The following TMIGD3 variants were observed in gnomAD, a reference collection of about 807,000 sequenced individuals.
TMIGD3 encodes transmembrane and immunoglobulin domain containing 3.
A neutral mutation model predicts 28.1 loss-of-function variants in TMIGD3; 21 were observed. That is an observed-to-expected ratio of 0.75 (90% CI 0.53 to 1.08). TMIGD3 has a LOEUF of 1.08. Among genes scored for constraint, TMIGD3 ranks in the 50% least tolerant of loss-of-function variants. The pLI is 0.00. For missense variants in TMIGD3, 416 were observed against 435.6 expected (o/e 0.96, Z 0.40); for synonymous variants, 151 against 162.1 (o/e 0.93, Z 0.52).
chr1:111,547,441 A>G (rs2101031232), intron 1 of TMIGD3, among the ~76,000 whole-genome samples: 1 of 152,252 alleles, frequency 6.6e-6, no homozygotes, highest in South Asian at 2.1e-4. Flanking sequence ...TCCACTTGGT[A>G]GTGATGTACA....
chr1:111,532,182 G>A (rs373146957), intron 1 of TMIGD3, among the ~76,000 whole-genome samples: 28 of 105,008 alleles, frequency 2.7e-4, no homozygotes, highest in African/African-American at 6.4e-4. Context: ...TGAAGGCTTC[G>A]GGGAGACCCT....
At chr1:111,557,527 G>A (rs77343607) in intron 1 of TMIGD3, among the ~76,000 whole-genome samples, 16,035 of 151,622 alleles carry the variant, frequency 0.11, 2,156 homozygotes, top group African/African-American at 0.31. Context: ...TCCAGCCTGG[G>A]CAATAGAGTG....
chr1:111,490,742 G>A lies in TMIGD3; in HGVS notation c.371C>T (p.Pro124Leu). Residue 124 changes from proline to leucine, a missense_variant, in exon 2 of 6, where the codon CCT becomes CTT. Pro to Leu is a moderately conservative substitution (Grantham distance 98). Transcript: ENST00000369716. ...LTVRFRIPGL[P>L]GCILSFQLKV... Reference sequence around the variant, plus strand: ...CAACTGGAATGATAGAATGCACCCAGGGAGCCCAGGAATTCTGAATCTGTT... The same window carrying A: ...CAACTGGAATGATAGAATGCACCCAAGGAGCCCAGGAATTCTGAATCTGTT... 2 of 1,613,728 alleles carry A rather than the reference G, an allele frequency of 1.2e-6. No individual in the cohort carries two copies. Among genetic ancestry groups the A allele is most frequent in the Non-Finnish European group, 1.7e-6 (2 of 1,179,828 alleles).
At chr1:111,497,271 C>T (rs183904295) in intron 1 of TMIGD3, among the ~76,000 whole-genome samples, 6 of 152,218 alleles carry the variant, frequency 3.9e-5, no homozygotes, top group Middle Eastern at 3.4e-3. Flanking sequence ...CCACCACGCC[C>T]GGCTAATTTT....
intron 1 of TMIGD3, among the ~76,000 whole-genome samples, chr1:111,515,845 T>G (rs1473451589): frequency 6.6e-6 from 1 of 152,170 alleles, no homozygotes; most frequent in Non-Finnish European, 1.5e-5. Context: ...CCTCCGGAAC[T>G]CCGGGAGCCG....
rs755983821 is a variant in TMIGD3, at chr1:111,488,716, C to A, written c.766G>T (p.Asp256Tyr). ...AAGTCATTGGCCAGGGTTCCTTTGT[C>A]GTCAGTTACAATCAGCTCTGTAAAA... ...MDFTELIVTD[D>Y]KGTLANDFWS... The change falls in exon 3 of 6, where the codon GAC (aspartate) becomes TAC (tyrosine). Residue 256 changes from aspartate to tyrosine, a missense_variant. Physicochemically the swap from Asp to Tyr is radical, Grantham distance 160 (BLOSUM62 -3). Transcript: ENST00000369716. The A allele has an allele frequency of 6.2e-7, 1 of 1,614,150 alleles. No homozygotes were observed. The highest frequency in any genetic ancestry group is 2.2e-5 in the East Asian group (1 of 44,892).
intron 1 of TMIGD3, chr1:111,500,470 A>G (rs760787347): frequency 5.6e-6 from 9 of 1,614,046 alleles, no homozygotes; most frequent in Admixed American, 1.7e-5. Flanking sequence ...CCAGCCAAAC[A>G]TGGGGGTCAA....
At chr1:111,563,609 A>G (rs1657833238) in intron 1 of TMIGD3, among the ~76,000 whole-genome samples, 1 of 152,188 alleles carries the variant, frequency 6.6e-6, no homozygotes, top group Non-Finnish European at 1.5e-5. Context: ...ATGCCTCCAG[A>G]GCTAATAACT....
upstream of TMIGD3, chr1:111,504,874 C>T (rs937480489): frequency 1.3e-4 from 127 of 985,136 alleles, no homozygotes; most frequent in Non-Finnish European, 1.5e-4. Context: ...TACTTGTCCC[C>T]GCCAGACTTG....
intron 1 of TMIGD3, among the ~76,000 whole-genome samples, chr1:111,502,560 G>A (rs1463670644): frequency 1.3e-5 from 2 of 148,830 alleles, no homozygotes; most frequent in East Asian, 3.9e-4. Flanking sequence ...AGGAAGCAAA[G>A]ATAAAATAAT....
At chr1:111,486,680 G>A in intron 3 of TMIGD3, 28 bp from the exon 4 acceptor site, 2 of 1,602,802 alleles carry the variant, frequency 1.2e-6, no homozygotes, top group Admixed American at 1.7e-5. Flanking sequence ...TGTTAAGTCA[G>A]GTGAGGCCCA....
chr1:111,524,275 T>A (rs905239637), intron 1 of TMIGD3, among the ~76,000 whole-genome samples: 1 of 152,130 alleles, frequency 6.6e-6, no homozygotes, highest in African/African-American at 2.4e-5. Context: ...GTGATCTGCC[T>A]GCCTTAGCCT....
At chr1:111,520,370 T>C (rs1413660499) in intron 1 of TMIGD3, among the ~76,000 whole-genome samples, 1 of 152,184 alleles carries the variant, frequency 6.6e-6, no homozygotes, top group Non-Finnish European at 1.5e-5. Flanking sequence ...AAAGTTTTTA[T>C]TACAAGATCA....
chr1:111,522,233 T>C (rs1279545432), intron 1 of TMIGD3, among the ~76,000 whole-genome samples: 1 of 152,260 alleles, frequency 6.6e-6, no homozygotes, highest in African/African-American at 2.4e-5. Context: ...TTGTTTTGGC[T>C]ATTCTAGGTC....
chr1:111,489,483 G>T, intron 2 of TMIGD3: 2 of 834,416 alleles, frequency 2.4e-6, no homozygotes, highest in South Asian at 4.6e-5. Flanking sequence ...CATAACATAA[G>T]GAAATAAATT....
At chr1:111,515,474 G>A (rs1194318263) in intron 1 of TMIGD3, among the ~76,000 whole-genome samples, 1 of 152,200 alleles carries the variant, frequency 6.6e-6, no homozygotes, top group Non-Finnish European at 1.5e-5. Flanking sequence ...GGTGTTCCCC[G>A]ATGGGAGTTG....
intron 1 of TMIGD3, among the ~76,000 whole-genome samples, chr1:111,529,909 C>T (rs1656395628): frequency 6.7e-6 from 1 of 148,368 alleles, no homozygotes; most frequent in Non-Finnish European, 1.5e-5. Context: ...GGGCGGCTGG[C>T]CGGGCAGAGG....
intron 1 of TMIGD3, among the ~76,000 whole-genome samples, chr1:111,521,165 C>T (rs1287104643): frequency 2.6e-5 from 4 of 151,872 alleles, no homozygotes; most frequent in Non-Finnish European, 4.4e-5. Context: ...GTGGATCTAT[C>T]GTAATTTGCT....
At chr1:111,529,434 C>G (rs988931527) in intron 1 of TMIGD3, among the ~76,000 whole-genome samples, 4 of 150,048 alleles carry the variant, frequency 2.7e-5, no homozygotes, top group African/African-American at 9.9e-5. Flanking sequence ...TTGGCAGGGT[C>G]ACAGGACAAT....
Sources: allele counts gnomAD v4.1 joint callset (sites outside exome capture counted in the v4.1 genomes callset), GRCh38; gene constraint gnomAD v4.1.1; transcripts MANE v1.5; gene names NCBI Gene and HGNC (gene_info 2026-07-23, HGNC 2026-07-21).